ITCH: variants seen among roughly 807,000 people sequenced by gnomAD.
The protein encoded by ITCH is itchy E3 ubiquitin protein ligase, also known as E3 ubiquitin-protein ligase Itchy homolog.
Under a neutral mutation model 126.8 loss-of-function variants are expected in ITCH, and 28 were observed. The ratio of observed to expected loss-of-function variants is 0.22; its 90% CI spans 0.16 to 0.30. The LOEUF is 0.30. Ranked by LOEUF, ITCH falls within the 10% of genes least tolerant of loss-of-function variation. ITCH has a pLI of 1.00. For synonymous variants in ITCH, 342 were observed against 340.0 expected (o/e 1.01, Z -0.06); for missense variants, 631 against 1,032.4 (o/e 0.61, Z 5.33).
rs375783305 is a variant in ITCH at position 34,438,447 on chromosome 20, C to G, written c.522-27C>G. 1.9e-5 allele frequency: 30 copies of G among 1,612,188 alleles called. No homozygotes were observed. In the East Asian group the frequency reaches 4.0e-4, roughly 22 times the overall value. ...GGAGTATTCATTATTTCCCTCTCCC[C>G]CTTCCTTTTCCCCTCTTCTTACCCA... On this transcript the variant is annotated intron_variant, in intron 7 of 24. Transcript: ENST00000374864.
At chr20:34,395,682 C>T (rs537605928) in intron 3 of ITCH, among the ~76,000 whole-genome samples, 18 of 152,300 alleles carry the variant, frequency 1.2e-4, no homozygotes, top group African/African-American at 3.6e-4. Context: ...TTCTGGATCT[C>T]GCATATAAAT....
At chr20:34,472,341 T>C (rs1987710907) in intron 16 of ITCH, among the ~76,000 whole-genome samples, 1 of 138,984 alleles carries the variant, frequency 7.2e-6, no homozygotes, top group South Asian at 2.2e-4. Context: ...CATTCCAGCC[T>C]GGGCAATAAG....
intron 16 of ITCH, among the ~76,000 whole-genome samples, chr20:34,473,270 AT>A (rs924633348): frequency 1.3e-5 from 2 of 152,052 alleles, no homozygotes; most frequent in African/African-American, 4.8e-5. Flanking sequence ...GGAGAAAACA[AT>A]TTTTTTTCCT....
rs537893369 is a variant in ITCH, at chr20:34,505,918, C to T, written c.2489+1515C>T. ...CATGTTTTCAAGGTTCATCCATGGT[C>T]TAGCATATACAGTATTTCATTCCTT... On this transcript the variant is annotated intron_variant, in intron 24 of 24. Coordinates refer to ENST00000374864, the MANE Select transcript of ITCH (RefSeq NM_031483.7). 1.1e-4 allele frequency among the ~76,000 whole-genome samples: 16 copies of T among 152,220 alleles called. No homozygotes were observed. In the South Asian group the frequency reaches 3.3e-3, roughly 32 times the overall value.
chr20:34,483,147 C>T (rs1156486615), intron 20 of ITCH, among the ~76,000 whole-genome samples: 3 of 145,714 alleles, frequency 2.1e-5, no homozygotes, highest in Non-Finnish European at 4.6e-5. Context: ...CTAGGCCTGC[C>T]TACAGGCTTG....
At chr20:34,489,746 A>C in intron 21 of ITCH, 76 bp from the exon 22 acceptor site, 2 of 950,698 alleles carry the variant, frequency 2.1e-6, no homozygotes, top group South Asian at 2.6e-5. Flanking sequence ...AGCTTTGCTT[A>C]ATCTTAGTCT....
At position 34,418,757 on chromosome 20, in the gene ITCH, C is replaced by CTTTT. The variant is rs373974620; in HGVS notation, c.475+4894_475+4897dup. On this transcript the variant is annotated intron_variant, in intron 6 of 24. Coordinates refer to ENST00000374864, the MANE Select transcript of ITCH (RefSeq NM_031483.7). ...TCCTTTCTTTCTTTTTCTTTTTTTC[C>CTTTT]TTTTTTTTTTTTTTTTTTTGTGAGA... Among the ~76,000 whole-genome samples the CTTTT allele has an allele frequency of 1.6e-3, 188 of 116,508 alleles. 1 individual carries two copies. The highest frequency in any genetic ancestry group is 3.3e-3 in the African/African-American group (98 of 30,054). The allele number at this position is 116,508 out of a possible 152,430, so 76.4% of individuals were successfully genotyped here.
At chr20:34,376,084 T>A (rs2037833328) in intron 2 of ITCH, among the ~76,000 whole-genome samples, 1 of 152,136 alleles carries the variant, frequency 6.6e-6, no homozygotes, top group South Asian at 2.1e-4. Flanking sequence ...GTGTAAACAC[T>A]GTGGGCCAAA....
intron 20 of ITCH, among the ~76,000 whole-genome samples, chr20:34,488,562 A>T (rs1015495588): frequency 1.6e-4 from 25 of 152,110 alleles, no homozygotes; most frequent in African/African-American, 5.5e-4. Context: ...AAAACACAAA[A>T]ATCAGTTGGG....
chr20:34,370,037 G>C (rs1003438981), intron 2 of ITCH, among the ~76,000 whole-genome samples: 1 of 151,028 alleles, frequency 6.6e-6, no homozygotes, highest in African/African-American at 2.4e-5. Context: ...CCAGGAGGTT[G>C]AGGCTGCAGT....
At chr20:34,487,013 T>TG (rs1491226323) in intron 20 of ITCH, among the ~76,000 whole-genome samples, 1 of 39,284 alleles carries the variant, frequency 2.5e-5, no homozygotes, top group Admixed American at 3.0e-4. Flanking sequence ...ATTTGTTAGG[T>TG]TTTTTTTTTT....
intron 7 of ITCH, among the ~76,000 whole-genome samples, chr20:34,432,789 C>T (rs1982484107): frequency 1.3e-5 from 2 of 151,738 alleles, no homozygotes; most frequent in African/African-American, 4.8e-5. Context: ...AACCCTGTCT[C>T]TACTAAAAAT....
rs192553707 is a variant in ITCH at position 34,422,707 on chromosome 20, A to G, written c.476-1773A>G. ...CAACTATCACTGTAATTTAGGTTTA[A>G]AACATTTTTATCCCCTCAGTAAAAT... On this transcript the variant is annotated intron_variant, in intron 6 of 24. Coordinates refer to ENST00000374864, the MANE Select transcript of ITCH (RefSeq NM_031483.7). Among the ~76,000 whole-genome samples the G allele has an allele frequency of 8.0e-3, 1,214 of 152,294 alleles. 12 individuals are homozygous for G. Among genetic ancestry groups the G allele is most frequent in the Non-Finnish European group, 0.014 (949 of 68,012 alleles).
At chr20:34,372,384 C>CTTTTGTTTTTTTTTTTTTTTTTTTTT (rs2037670227) in intron 2 of ITCH, among the ~76,000 whole-genome samples, 1 of 93,156 alleles carries the variant, frequency 1.1e-5, no homozygotes, top group African/African-American at 4.7e-5. Context: ...TTAAGTTCTA[C>CTTTTGTTTTTTTTTTTTTTTTTTTTT]TTTTTTTTTT....
intron 12 of ITCH, among the ~76,000 whole-genome samples, chr20:34,452,435 T>C (rs1415474826): frequency 2.0e-5 from 3 of 152,248 alleles, no homozygotes; most frequent in Non-Finnish European, 4.4e-5. Flanking sequence ...GAAGTAGTGC[T>C]ACAGATGTTT....
In ITCH at chr20:34,377,475, G is replaced by A. The variant is rs1168845754; in HGVS notation, c.-22+8005G>A. Among the ~76,000 whole-genome samples the A allele has an allele frequency of 2.0e-5, 3 of 152,108 alleles. No homozygotes were observed. In the East Asian group the frequency reaches 5.8e-4, roughly 29 times the overall value. On this transcript the variant is annotated intron_variant, in intron 2 of 24. Coordinates refer to ENST00000374864, the MANE Select transcript of ITCH (RefSeq NM_031483.7). ...CTCTGGTATATTTCATTAGACCTTA[G>A]TTTATACATTGAATTTTCATATTTA...
At chr20:34,489,629 ATATG>A (rs1485743121) in intron 21 of ITCH, among the ~76,000 whole-genome samples, 189 bp from the exon 22 acceptor site, 1 of 151,908 alleles carries the variant, frequency 6.6e-6, no homozygotes, top group Non-Finnish European at 1.5e-5. Flanking sequence ...ACTTCCCTGA[ATATG>A]TATATGTATG....
intron 2 of ITCH, among the ~76,000 whole-genome samples, chr20:34,380,554 C>T (rs1257480251): frequency 6.8e-6 from 1 of 146,450 alleles, no homozygotes; most frequent in Non-Finnish European, 1.5e-5. Flanking sequence ...ATGTGTTTTG[C>T]AGATTTTATC....
At chr20:34,503,326 C>A (rs1375578853) in intron 23 of ITCH, among the ~76,000 whole-genome samples, 1 of 152,034 alleles carries the variant, frequency 6.6e-6, no homozygotes, top group Non-Finnish European at 1.5e-5. Context: ...GTAGCATTAC[C>A]AGTCATTGAG....
Sources: allele counts gnomAD v4.1 joint callset (sites outside exome capture counted in the v4.1 genomes callset), GRCh38; gene constraint gnomAD v4.1.1; transcripts MANE v1.5; gene names NCBI Gene and HGNC (gene_info 2026-07-23, HGNC 2026-07-21).